Variants in PAPPA2 observed in about 807,000 individuals in gnomAD.
The protein encoded by PAPPA2 is pappalysin-2.
In PAPPA2, 86 loss-of-function variants were observed where a neutral mutation model predicts 176.4. That is an observed-to-expected ratio of 0.49 (90% CI 0.41 to 0.58). PAPPA2 has a LOEUF of 0.58. PAPPA2 is among the 20% of genes least tolerant of loss of function. The pLI is 0.00. For missense variants in PAPPA2, 2,073 were observed against 2,256.9 expected, an observed-to-expected ratio of 0.92 and a Z score of 1.65; for synonymous variants, 809 against 852.2, an observed-to-expected ratio of 0.95 and a Z score of 0.88.
At chr1:176,686,008 T>C (rs1227250650) in intron 4 of PAPPA2, among the ~76,000 whole-genome samples, 1 of 152,154 alleles carries the variant, frequency 6.6e-6, no homozygotes, top group East Asian at 1.9e-4. Context: ...TCCTTAATAA[T>C]GTGAGTATGT....
At chr1:176,561,120 C>T (rs547236356) in intron 2 of PAPPA2, among the ~76,000 whole-genome samples, 6 of 152,296 alleles carry the variant, frequency 3.9e-5, no homozygotes, top group Admixed American at 6.5e-5. Context: ...CCATCTCTGA[C>T]GCTTATCAGG....
intron 2 of PAPPA2, among the ~76,000 whole-genome samples, chr1:176,561,245 G>C (rs180686057): frequency 1.3e-5 from 2 of 152,076 alleles, no homozygotes. Flanking sequence ...AATGAAAAAA[G>C]CTCCAAAAAA....
rs189130872 is a variant in PAPPA2 at position 176,813,971 on chromosome 1, G to A, written c.5202+13839G>A. Among the ~76,000 whole-genome samples the A allele has an allele frequency of 3.0e-3, 456 of 152,294 alleles. 7 individuals carry two copies. Among genetic ancestry groups the A allele is most frequent in the Non-Finnish European group, 4.9e-4 (33 of 68,018 alleles). ...CTGTTAATTTTTGTATATGGTGTAA[G>A]GAAGGGGTCCAGTTTCAATTTTCTG... On this transcript the variant is annotated intron_variant, in intron 21 of 22. Coordinates refer to ENST00000367662, the MANE Select transcript of PAPPA2 (RefSeq NM_020318.3).
At chr1:176,727,261 C>T (rs1401425760) in intron 12 of PAPPA2, among the ~76,000 whole-genome samples, 1 of 151,954 alleles carries the variant, frequency 6.6e-6, no homozygotes, top group Non-Finnish European at 1.5e-5. Flanking sequence ...CTAAAAACTC[C>T]ATGCAAAAGG....
At chr1:176,636,624 AATTGT>A (rs1320955298) in intron 3 of PAPPA2, among the ~76,000 whole-genome samples, 3 of 152,100 alleles carry the variant, frequency 2.0e-5, no homozygotes, top group Admixed American at 1.3e-4. Flanking sequence ...CTCCCTCACA[AATTGT>A]ATTGTACAGC....
At chr1:176,816,254 T>C (rs1243590785) in intron 21 of PAPPA2, among the ~76,000 whole-genome samples, 4 of 102,430 alleles carry the variant, frequency 3.9e-5, no homozygotes, top group Non-Finnish European at 7.3e-5. Flanking sequence ...TATATATATA[T>C]ATGTATGTAT....
intron 4 of PAPPA2, among the ~76,000 whole-genome samples, chr1:176,671,978 G>A (rs1234308784): frequency 6.6e-6 from 1 of 150,614 alleles, no homozygotes; most frequent in Non-Finnish European, 1.5e-5. Flanking sequence ...GAGTTAATGG[G>A]TGCAGCACAC....
chr1:176,697,180 C>T (rs1053536765), intron 7 of PAPPA2, among the ~76,000 whole-genome samples: 4 of 152,078 alleles, frequency 2.6e-5, no homozygotes, highest in African/African-American at 9.7e-5. Context: ...GTTCTACGTT[C>T]TAATTCTTGT....
chr1:176,821,719 C>G (rs1666673695), intron 21 of PAPPA2, among the ~76,000 whole-genome samples: 1 of 152,194 alleles, frequency 6.6e-6, no homozygotes, highest in Non-Finnish European at 1.5e-5. Context: ...TAGCATGTGT[C>G]ACATACATTT....
chr1:176,654,080 G>A (rs185832281), intron 3 of PAPPA2, among the ~76,000 whole-genome samples: 2 of 151,500 alleles, frequency 1.3e-5, no homozygotes, highest in Admixed American at 6.6e-5. Context: ...GTCTATTTTT[G>A]TTGTTGTTAC....
At chr1:176,758,409 A>T (rs114570755) in intron 14 of PAPPA2, among the ~76,000 whole-genome samples, 2,097 of 152,310 alleles carry the variant, frequency 0.014, 47 homozygotes, top group African/African-American at 0.048. Context: ...AAGCTATCTA[A>T]GGATGAATGC....
intron 2 of PAPPA2, among the ~76,000 whole-genome samples, chr1:176,560,717 C>T (rs1160784127): frequency 5.3e-5 from 8 of 152,236 alleles, no homozygotes; most frequent in African/African-American, 1.9e-4. Context: ...ACCTTGAAAC[C>T]ATCCTGTTCC....
At chr1:176,670,765 A>G (rs1222480036) in intron 3 of PAPPA2, among the ~76,000 whole-genome samples, 2 of 152,182 alleles carry the variant, frequency 1.3e-5, no homozygotes, top group African/African-American at 4.8e-5. Flanking sequence ...TTAAAAAGTC[A>G]TTATACTATT....
At chr1:176,812,539 C>T (rs1270644060) in intron 21 of PAPPA2, among the ~76,000 whole-genome samples, 4 of 152,078 alleles carry the variant, frequency 2.6e-5, no homozygotes, top group Non-Finnish European at 4.4e-5. Flanking sequence ...TGAGATTATT[C>T]GTGAATCCTA....
intron 1 of PAPPA2, among the ~76,000 whole-genome samples, chr1:176,507,951 A>G (rs924499375): frequency 1.3e-5 from 2 of 152,158 alleles, no homozygotes; most frequent in African/African-American, 2.4e-5. Flanking sequence ...AAGCTACCAG[A>G]ATAAAAAAGT....
At chr1:176,610,952 C>T (rs1478159345) in intron 3 of PAPPA2, among the ~76,000 whole-genome samples, 7 of 152,234 alleles carry the variant, frequency 4.6e-5, no homozygotes, top group Non-Finnish European at 1.5e-5. Flanking sequence ...GACATGTATG[C>T]ATATAATTGC....
chr1:176,513,336 AT>A (rs1208779102), intron 1 of PAPPA2, among the ~76,000 whole-genome samples: 2 of 151,904 alleles, frequency 1.3e-5, no homozygotes, highest in East Asian at 3.9e-4. Context: ...ATTGTTAATA[AT>A]TTTTTCTTTA....
chr1:176,735,287 T>G (rs1662346027), intron 12 of PAPPA2, among the ~76,000 whole-genome samples: 1 of 152,248 alleles, frequency 6.6e-6, no homozygotes, highest in East Asian at 1.9e-4. Context: ...GTCTAAGGTC[T>G]TCTGTTTCCC....
At chr1:176,786,121 T>G (rs1312522819) in intron 17 of PAPPA2, among the ~76,000 whole-genome samples, 1 of 151,912 alleles carries the variant, frequency 6.6e-6, no homozygotes. Context: ...AACTCTGCAG[T>G]GTGAAGGAGG....
Sources: gnomAD v4.1 joint callset for allele counts (sites outside exome capture counted in the v4.1 genomes callset) on GRCh38, gnomAD v4.1.1 for gene constraint, MANE v1.5 for transcripts, NCBI Gene and HGNC (gene_info 2026-07-23, HGNC 2026-07-21) for gene names.